Variants in ENPP2 observed in about 807,000 individuals in gnomAD.
ENPP2 encodes ectonucleotide pyrophosphatase/phosphodiesterase 2.
A neutral mutation model predicts 120.2 loss-of-function variants in ENPP2; 51 were observed. That is an observed-to-expected ratio of 0.42 (90% CI 0.34 to 0.54). ENPP2 has a LOEUF of 0.54. ENPP2 is among the 20% of genes least tolerant of loss of function. The pLI is 0.04. For missense variants in ENPP2, 920 were observed against 1,066.5 expected (o/e 0.86, Z 1.91); for synonymous variants, 365 against 366.4 (o/e 1.00, Z 0.04).
intron 1 of ENPP2, among the ~76,000 whole-genome samples, chr8:119,655,445 A>C (rs578243806): frequency 6.6e-6 from 1 of 152,076 alleles, no homozygotes; most frequent in Non-Finnish European, 1.5e-5. Context: ...GAAAATCTGG[A>C]CTCTCTGGCT....
chr8:119,647,250 C>T (rs1023075821), intron 1 of ENPP2, among the ~76,000 whole-genome samples: 2 of 152,114 alleles, frequency 1.3e-5, no homozygotes, highest in African/African-American at 4.8e-5. Context: ...CCACCTCAGC[C>T]TCCCAAAGTG....
At chr8:119,595,272 A>G (rs1460361706) in intron 11 of ENPP2, among the ~76,000 whole-genome samples, 1 of 152,240 alleles carries the variant, frequency 6.6e-6, no homozygotes, top group Non-Finnish European at 1.5e-5. Context: ...CAAAGGTTTT[A>G]GGAAAAGCAA....
intron 11 of ENPP2, among the ~76,000 whole-genome samples, chr8:119,599,148 T>C (rs1309803081): frequency 6.6e-6 from 1 of 152,216 alleles, no homozygotes; most frequent in Non-Finnish European, 1.5e-5. Flanking sequence ...CAGATGTTTA[T>C]CTCATTTTAT....
At chr8:119,645,872 C>T (rs1014070352) in intron 1 of ENPP2, among the ~76,000 whole-genome samples, 2 of 151,966 alleles carry the variant, frequency 1.3e-5, no homozygotes, top group Non-Finnish European at 2.9e-5. Flanking sequence ...ACTCTCTGTC[C>T]CCTCTGACCA....
chr8:119,601,554 G>T (rs1040951923), intron 9 of ENPP2, 92 bp from the exon 10 acceptor site: 10 of 855,898 alleles, frequency 1.2e-5, no homozygotes, highest in Middle Eastern at 2.2e-4. Flanking sequence ...CAGGCCAAAT[G>T]CTCTCTATTT....
chr8:119,557,544 G>T lies in ENPP2; in HGVS notation c.2569C>A (p.His857Asn). ...AGTTAAATCTCGCTCTCATATGTAT[G>T]CAGGTATGTCTTGAGTGTCAGGATT... ...PEILTLKTYL[H>N]TYESEI The change falls in exon 25 of 25, where the codon CAT becomes AAT. Residue 857 changes from histidine (H) to asparagine (N), a missense_variant. Physicochemically the swap from His to Asn is moderately conservative, Grantham distance 68. Transcript: ENST00000075322. 1 of 1,613,224 alleles carries T rather than the reference G, an allele frequency of 6.2e-7. No individual in the cohort carries two copies.
At chr8:119,654,294 A>G (rs891768578) in intron 1 of ENPP2, among the ~76,000 whole-genome samples, 3 of 141,736 alleles carry the variant, frequency 2.1e-5, no homozygotes, top group Non-Finnish European at 4.5e-5. Context: ...TATTATATAG[A>G]TGTATCTATA....
At chr8:119,593,699 G>C in intron 12 of ENPP2, 53 bp downstream of exon 12, 1 of 1,108,402 alleles carries the variant, frequency 9.0e-7, no homozygotes, top group Non-Finnish European at 1.4e-6. Flanking sequence ...TCCTCAATAT[G>C]ATCAGAAACA....
At chr8:119,601,936 G>A (rs557606341) in intron 9 of ENPP2, among the ~76,000 whole-genome samples, 1 of 152,312 alleles carries the variant, frequency 6.6e-6, no homozygotes, top group Admixed American at 6.5e-5. Flanking sequence ...CAGCTTGGTT[G>A]TAAGGATGAA....
At chr8:119,565,245 G>A (rs771608448) in intron 22 of ENPP2, among the ~76,000 whole-genome samples, 4 of 152,146 alleles carry the variant, frequency 2.6e-5, no homozygotes, top group Non-Finnish European at 4.4e-5. Context: ...TGGATAAGTA[G>A]GTGGTGTTTC....
chr8:119,584,191 T>C (rs909911812), intron 15 of ENPP2, 142 bp from the exon 16 acceptor site: 7 of 617,890 alleles, frequency 1.1e-5, no homozygotes, highest in Admixed American at 2.8e-5. Flanking sequence ...CTTGTGATGA[T>C]GAAAAGAGGA....
intron 19 of ENPP2, among the ~76,000 whole-genome samples, chr8:119,578,758 C>T (rs146742897): frequency 1.1e-4 from 17 of 152,270 alleles, no homozygotes; most frequent in African/African-American, 4.1e-4. Context: ...GGCCTATCTT[C>T]AAAGTGAGAT....
At chr8:119,578,754 T>A (rs1258516979) in intron 19 of ENPP2, among the ~76,000 whole-genome samples, 1 of 152,218 alleles carries the variant, frequency 6.6e-6, no homozygotes, top group Non-Finnish European at 1.5e-5. Context: ...CAATGGCCTA[T>A]CTTCAAAGTG....
At chr8:119,581,369 T>C (rs1467524968) in intron 18 of ENPP2, among the ~76,000 whole-genome samples, 1 of 151,944 alleles carries the variant, frequency 6.6e-6, no homozygotes, top group East Asian at 1.9e-4. Context: ...CACCCTGCTC[T>C]GTGGCCTGGG....
At chr8:119,624,841 G>A (rs1005124530) in intron 3 of ENPP2, among the ~76,000 whole-genome samples, 6 of 152,084 alleles carry the variant, frequency 3.9e-5, no homozygotes, top group Admixed American at 3.9e-4. Context: ...GTTGTTTCTC[G>A]GCAGTGCTCC....
upstream of ENPP2, among the ~76,000 whole-genome samples, chr8:119,642,352 T>C (rs1393114549): frequency 1.3e-5 from 2 of 152,252 alleles, no homozygotes; most frequent in African/African-American, 2.4e-5. Context: ...TGACATACTT[T>C]GTTTAGGGAA....
chr8:119,664,031 A>G (rs754113417), intron 1 of ENPP2, among the ~76,000 whole-genome samples: 38 of 152,236 alleles, frequency 2.5e-4, no homozygotes, highest in Non-Finnish European at 4.4e-4. Context: ...AAGTAAACAC[A>G]GGAGCATAAA....
At chr8:119,628,321 T>A (rs1177633886) in intron 2 of ENPP2, among the ~76,000 whole-genome samples, 1 of 152,202 alleles carries the variant, frequency 6.6e-6, no homozygotes, top group Non-Finnish European at 1.5e-5. Context: ...AAGTAGAATA[T>A]AATTTAGAAA....
intron 9 of ENPP2, among the ~76,000 whole-genome samples, chr8:119,602,398 A>C (rs950408452): frequency 2.0e-5 from 3 of 151,302 alleles, no homozygotes; most frequent in African/African-American, 7.3e-5. Context: ...CAGAGGTTGC[A>C]GTGAGCCAAG....
Sources: allele counts gnomAD v4.1 joint callset (sites outside exome capture counted in the v4.1 genomes callset), GRCh38; gene constraint gnomAD v4.1.1; transcripts MANE v1.5; gene names NCBI Gene and HGNC (gene_info 2026-07-23, HGNC 2026-07-21).